PRKD1: variants seen among roughly 807,000 people sequenced by gnomAD.
The protein encoded by PRKD1 is serine/threonine-protein kinase D1.
A neutral mutation model predicts 95.9 loss-of-function variants in PRKD1; 63 were observed. The ratio of observed to expected loss-of-function variants is 0.66; its 90% CI spans 0.54 to 0.81. The LOEUF (loss-of-function observed/expected upper bound fraction) is 0.81. PRKD1 is among the 30% of genes least tolerant of loss of function. PRKD1 has a pLI of 0.00. For missense variants in PRKD1, 1,048 were observed against 1,165.3 expected (o/e 0.90, Z 1.47); for synonymous variants, 425 against 423.1 (o/e 1.00, Z -0.05).
chr14:29,680,984 C>T (rs1883509155), intron 2 of PRKD1, among the ~76,000 whole-genome samples: 1 of 152,118 alleles, frequency 6.6e-6, no homozygotes, highest in African/African-American at 2.4e-5. Flanking sequence ...TAAGAAAACA[C>T]TTCTATATTT....
intron 1 of PRKD1, among the ~76,000 whole-genome samples, chr14:29,742,163 G>C (rs983634169): frequency 6.6e-6 from 1 of 152,170 alleles, no homozygotes; most frequent in Non-Finnish European, 1.5e-5. Flanking sequence ...CCTTGAGATA[G>C]GAAAGAATTT....
At chr14:29,618,269 T>G (rs1479693709) in intron 13 of PRKD1, among the ~76,000 whole-genome samples, 3 of 151,938 alleles carry the variant, frequency 2.0e-5, no homozygotes, top group African/African-American at 7.2e-5. Flanking sequence ...TTTTTTTTTT[T>G]TTGAGATGAG....
chr14:29,733,294 G>A (rs181394280), intron 1 of PRKD1, among the ~76,000 whole-genome samples: 410 of 151,618 alleles, frequency 2.7e-3, no homozygotes, highest in Admixed American at 8.4e-3. Flanking sequence ...AGTACAGACG[G>A]GTTTTCACCG....
intron 17 of PRKD1, among the ~76,000 whole-genome samples, 153 bp from the exon 18 acceptor site, chr14:29,577,609 C>T (rs1192577185): frequency 3.9e-5 from 6 of 152,154 alleles, no homozygotes; most frequent in Non-Finnish European, 2.9e-5. Flanking sequence ...GTGACAGTGT[C>T]GGCACCAAAG....
intron 2 of PRKD1, among the ~76,000 whole-genome samples, chr14:29,710,571 C>T (rs1319251962): frequency 6.6e-6 from 1 of 151,994 alleles, no homozygotes; most frequent in Non-Finnish European, 1.5e-5. Flanking sequence ...ACAGACCAGA[C>T]CCCCAACAGA....
chr14:29,781,704 G>A (rs1349882510), intron 1 of PRKD1, among the ~76,000 whole-genome samples: 2 of 152,230 alleles, frequency 1.3e-5, no homozygotes, highest in Non-Finnish European at 2.9e-5. Context: ...CCAAGTTAAA[G>A]TAGGGACATT....
intron 16 of PRKD1, among the ~76,000 whole-genome samples, chr14:29,583,333 G>T (rs1421193897): frequency 6.6e-6 from 1 of 152,104 alleles, no homozygotes; most frequent in East Asian, 1.9e-4. Flanking sequence ...GGGGAAATGA[G>T]AATCCTTTAT....
intron 2 of PRKD1, among the ~76,000 whole-genome samples, chr14:29,690,241 C>T (rs1279806644): frequency 6.6e-6 from 1 of 152,120 alleles, no homozygotes; most frequent in African/African-American, 2.4e-5. Flanking sequence ...CAAGTCCATC[C>T]CTACCCCCAA....
At chr14:29,736,260 A>T (rs1016664367) in intron 1 of PRKD1, among the ~76,000 whole-genome samples, 2 of 152,220 alleles carry the variant, frequency 1.3e-5, no homozygotes, top group African/African-American at 4.8e-5. Context: ...TTGGTCTTCA[A>T]CTGCTAAGAG....
At chr14:29,886,654 A>G (rs938376225) in intron 1 of PRKD1, among the ~76,000 whole-genome samples, 2 of 152,254 alleles carry the variant, frequency 1.3e-5, no homozygotes, top group Admixed American at 1.3e-4. Context: ...ATCTGCTGAT[A>G]TCCTTTCAGC....
chr14:29,825,479 C>A (rs1891073548), intron 1 of PRKD1, among the ~76,000 whole-genome samples: 1 of 151,900 alleles, frequency 6.6e-6, no homozygotes. Flanking sequence ...GAAATTCACT[C>A]TAGTAAAAGT....
intron 1 of PRKD1, among the ~76,000 whole-genome samples, chr14:29,777,417 C>T (rs1196644885): frequency 6.6e-6 from 1 of 152,082 alleles, no homozygotes; most frequent in African/African-American, 2.4e-5. Context: ...TGCAGAGATA[C>T]ACATAGGCTC....
intron 13 of PRKD1, among the ~76,000 whole-genome samples, chr14:29,622,678 C>CA (rs1350875611): frequency 7.9e-5 from 12 of 152,188 alleles, no homozygotes; most frequent in African/African-American, 2.4e-4. Flanking sequence ...GCTAGGATTA[C>CA]AGGCGTGAGC....
chr14:29,745,988 A>T (rs1357471099), intron 1 of PRKD1, among the ~76,000 whole-genome samples: 1 of 152,016 alleles, frequency 6.6e-6, no homozygotes, highest in East Asian at 1.9e-4. Context: ...TTCCCCTTTG[A>T]CTCTTAAAAT....
intron 2 of PRKD1, among the ~76,000 whole-genome samples, chr14:29,714,199 G>C (rs1885479684): frequency 6.6e-6 from 1 of 152,082 alleles, no homozygotes; most frequent in East Asian, 1.9e-4. Context: ...GGGGTACTAA[G>C]GTATGAGGAA....
At chr14:29,781,416 A>G (rs907627572) in intron 1 of PRKD1, among the ~76,000 whole-genome samples, 1 of 152,204 alleles carries the variant, frequency 6.6e-6, no homozygotes, top group African/African-American at 2.4e-5. Context: ...TACCCCCTCA[A>G]TATTTCCAAG....
chr14:29,910,647 C>T (rs1019908254), intron 1 of PRKD1, among the ~76,000 whole-genome samples: 5 of 152,078 alleles, frequency 3.3e-5, no homozygotes, highest in African/African-American at 1.2e-4. Context: ...TAAGAGCTAA[C>T]GGAATTAAAA....
intron 11 of PRKD1, among the ~76,000 whole-genome samples, chr14:29,628,654 T>C (rs1879785154): frequency 1.3e-5 from 2 of 152,162 alleles, no homozygotes; most frequent in East Asian, 1.9e-4. Context: ...AGGTAGCAAC[T>C]AAGGAATGAG....
chr14:29,802,458 A>AT (rs1431141182), intron 1 of PRKD1, among the ~76,000 whole-genome samples: 1 of 152,264 alleles, frequency 6.6e-6, no homozygotes, highest in African/African-American at 2.4e-5. Context: ...GCACCACAGT[A>AT]GATGGATTAG....
Sources: gnomAD v4.1 joint callset for allele counts (sites outside exome capture counted in the v4.1 genomes callset) on GRCh38, gnomAD v4.1.1 for gene constraint, MANE v1.5 for transcripts, NCBI Gene and HGNC (gene_info 2026-07-23, HGNC 2026-07-21) for gene names.